BCL11B: variants seen among roughly 807,000 people sequenced by gnomAD.
BCL11B encodes BCL11 transcription factor B.
A neutral mutation model predicts 49.9 loss-of-function variants in BCL11B; 8 were observed. The observed-to-expected ratio is 0.16, with a 90% CI of 0.09 to 0.29. BCL11B has a LOEUF of 0.29. BCL11B is among the 10% of genes least tolerant of loss of function. BCL11B has a pLI of 1.00. For synonymous variants in BCL11B, 739 were observed against 637.4 expected, an observed-to-expected ratio of 1.16 and a Z score of -2.40; for missense variants, 1,006 against 1,351.0, an observed-to-expected ratio of 0.74 and a Z score of 4.00.
At chr14:99,227,590 C>T in intron 3 of BCL11B, among the ~76,000 whole-genome samples, 1 of 152,146 alleles carries the variant, frequency 6.6e-6, no homozygotes, top group East Asian at 1.9e-4. Flanking sequence ...ACCTAGCTAG[C>T]CCCATGCTCA....
At chr14:99,269,875 T>TAAAA (rs56659919) in intron 1 of BCL11B, among the ~76,000 whole-genome samples, 17 of 41,232 alleles carry the variant, frequency 4.1e-4, no homozygotes, top group African/African-American at 1.3e-3. Flanking sequence ...CTATTGCAGT[T>TAAAA]AAAAAAAAAA....
In BCL11B at chr14:99,175,100, G is replaced by C. The variant is rs1214962641; in HGVS notation, c.1736C>G (p.Ala579Gly). 1 of 1,598,378 alleles carries C rather than the reference G, an allele frequency of 6.3e-7. No individual in the cohort carries two copies. ...GGGGVPGVPG[A>G]GGGAAKALAD... Reference sequence around the variant, plus strand: ...CAGCGCCTTGGCCGCGCCGCCCCCCGCGCCCGGGACCCCGGGCACCCCACC... The same window carrying C: ...CAGCGCCTTGGCCGCGCCGCCCCCCCCGCCCGGGACCCCGGGCACCCCACC... The change falls in exon 4 of 4, where the codon GCG becomes GGG. Residue 579 changes from alanine to glycine, a missense_variant. This residue lies in a region of BCL11B where 443 missense variants were observed against 499.7 expected (regional missense o/e 0.89). Coordinates refer to ENST00000357195, the MANE Select transcript of BCL11B (RefSeq NM_138576.4).
chr14:99,237,589 G>A lies in BCL11B; in HGVS notation c.428-6032C>T, dbSNP rs985232854. Among the ~76,000 whole-genome samples the A allele has an allele frequency of 2.0e-5, 3 of 152,162 alleles. No homozygotes were observed. The East Asian group carries it at 5.8e-4, about 29-fold the overall frequency. On this transcript the variant is annotated intron_variant, in intron 2 of 3. Transcript: ENST00000357195. The stretch of plus-strand genomic sequence containing the variant: ...CCACTGTTTTGTCTGGGCACCCGAT[G>A]GCCATTACGGGTCTCTAGTCCCTTG...
intron 3 of BCL11B, among the ~76,000 whole-genome samples, chr14:99,201,031 C>G (rs949106878): frequency 6.6e-6 from 1 of 152,172 alleles, no homozygotes; most frequent in Non-Finnish European, 1.5e-5. Flanking sequence ...GCCAGGGCAC[C>G]AAGGCAGGTC....
At chr14:99,218,979 T>G (rs1887932997) in intron 3 of BCL11B, among the ~76,000 whole-genome samples, 1 of 152,056 alleles carries the variant, frequency 6.6e-6, no homozygotes, top group Non-Finnish European at 1.5e-5. Flanking sequence ...TGCCGACCCC[T>G]CCATCTTGGA....
At chr14:99,220,549 G>C (rs548033209) in intron 3 of BCL11B, among the ~76,000 whole-genome samples, 2 of 152,166 alleles carry the variant, frequency 1.3e-5, no homozygotes, top group East Asian at 3.9e-4. Flanking sequence ...CATTCAGAGA[G>C]ACAGAACGGA....
rs893060412 is a variant in BCL11B at position 99,257,914 on chromosome 14, C to G, written c.59-75G>C. 9.9e-6 allele frequency: 14 copies of G among 1,413,394 alleles called. No homozygotes were observed. The highest frequency in any genetic ancestry group is 1.3e-5 in the Non-Finnish European group (14 of 1,077,372). The allele number at this position is 1,413,394 out of a possible 1,614,324, so 87.6% of individuals were successfully genotyped here. On this transcript the variant is annotated intron_variant, in intron 1 of 3. Transcript: ENST00000357195. The surrounding 1 kb of genome is among the most constrained non-coding windows in gnomAD (Gnocchi z 6.2). ...TTAGGCGGTCACAGCACCCAACTTC[C>G]GGTCCACCCCTTCCCCGCCAAGAAG...
At chr14:99,236,329 AAG>A (rs1373561090) in intron 2 of BCL11B, among the ~76,000 whole-genome samples, 8 of 152,220 alleles carry the variant, frequency 5.3e-5, no homozygotes, top group African/African-American at 1.9e-4. Flanking sequence ...GCTAAGTATT[AAG>A]AGCGTGAGGG....
At position 99,170,721 on chromosome 14, in the gene BCL11B, A is replaced by C. The variant is rs950059557; in HGVS notation, c.*3430T>G. The C allele has an allele frequency of 1.7e-5, 4 of 233,280 alleles. No homozygotes were observed. Among genetic ancestry groups the C allele is most frequent in the African/African-American group, 8.8e-5 (4 of 45,326 alleles). The allele number at this position is 233,280 out of a possible 1,614,324, so 14.5% of individuals were successfully genotyped here. On this transcript the variant is annotated 3_prime_UTR_variant, in exon 4 of 4. Transcript: ENST00000357195. ...GTAGGTTTCAGAGAGCAAAGCAGCAAAGCAGGGAAGAAAGACAAGAGGCCA... is the reference window on the plus strand; with the variant it reads ...GTAGGTTTCAGAGAGCAAAGCAGCACAGCAGGGAAGAAAGACAAGAGGCCA...
chr14:99,202,190 A>G (rs947385453), intron 3 of BCL11B, among the ~76,000 whole-genome samples: 1 of 151,832 alleles, frequency 6.6e-6, no homozygotes, highest in Non-Finnish European at 1.5e-5. Flanking sequence ...GGATCTCACT[A>G]TATCGCCCAG....
intron 3 of BCL11B, among the ~76,000 whole-genome samples, chr14:99,208,817 C>T (rs979507706): frequency 6.6e-6 from 1 of 152,192 alleles, no homozygotes; most frequent in East Asian, 1.9e-4. Flanking sequence ...CGTGAGGCCC[C>T]TCAGGGCTGG....
intron 3 of BCL11B, among the ~76,000 whole-genome samples, chr14:99,212,408 T>G (rs1887713939): frequency 6.6e-6 from 1 of 152,152 alleles, no homozygotes; most frequent in Non-Finnish European, 1.5e-5. Context: ...CTGCCCTGGA[T>G]CTCTGGCCAC....
chr14:99,212,185 T>G (rs1009833466), intron 3 of BCL11B, among the ~76,000 whole-genome samples: 7 of 152,140 alleles, frequency 4.6e-5, no homozygotes, highest in African/African-American at 2.4e-5. Context: ...TAGAGCAACT[T>G]GCTGAATAAA....
intron 3 of BCL11B, among the ~76,000 whole-genome samples, chr14:99,183,134 G>A (rs1886756481): frequency 6.6e-6 from 1 of 152,086 alleles, no homozygotes; most frequent in Non-Finnish European, 1.5e-5. Flanking sequence ...GGAGTTCAGG[G>A]TGCTGGGAGA....
At position 99,262,072 on chromosome 14, in the gene BCL11B, G is replaced by A. The variant is rs1489383845; in HGVS notation, c.59-4233C>T. 1.3e-5 allele frequency among the ~76,000 whole-genome samples: 2 copies of A among 152,214 alleles called. No individual in the cohort carries two copies. The highest frequency in any genetic ancestry group is 3.9e-4 in the East Asian group (2 of 5,192). Reference sequence around the variant, plus strand: ...ACTTCCCCATGCCTCGGCTTTGCTGGGAAGGAATTTGAGTCAGAAGAAAGA... The same window carrying A: ...ACTTCCCCATGCCTCGGCTTTGCTGAGAAGGAATTTGAGTCAGAAGAAAGA... On this transcript the variant is annotated intron_variant, in intron 1 of 3. Transcript: ENST00000357195. The surrounding 1 kb of genome is among the most constrained non-coding windows in gnomAD (Gnocchi z 4.2).
chr14:99,207,730 C>T (rs1298821631), intron 3 of BCL11B, among the ~76,000 whole-genome samples: 2 of 152,334 alleles, frequency 1.3e-5, no homozygotes, highest in Admixed American at 6.5e-5. Flanking sequence ...CCCTCGGCTG[C>T]CTGGGGATGC....
At position 99,172,096 on chromosome 14, in the gene BCL11B, T is replaced by C. The variant is rs1886309582; in HGVS notation, c.*2055A>G. On this transcript the variant is annotated 3_prime_UTR_variant, in exon 4 of 4. Coordinates refer to ENST00000357195, the MANE Select transcript of BCL11B (RefSeq NM_138576.4). ...ACACAATTTTTTTTTTACCCTTGTATGTACCCAATACTGTAAACGTATTTT... is the reference window on the plus strand; with the variant it reads ...ACACAATTTTTTTTTTACCCTTGTACGTACCCAATACTGTAAACGTATTTT... The C allele has an allele frequency of 9.0e-6, 2 of 221,454 alleles. No individual in the cohort carries two copies. Among genetic ancestry groups the C allele is most frequent in the East Asian group, 1.3e-4 (2 of 15,112 alleles). 13.7% of individuals were successfully genotyped at this position (221,454 alleles called of 1,614,324 possible). A position where few individuals can be genotyped will look rare whatever the true frequency, so the allele number is the denominator to read the frequency against.
At chr14:99,268,020 C>T (rs546168700) in intron 1 of BCL11B, among the ~76,000 whole-genome samples, 3 of 152,260 alleles carry the variant, frequency 2.0e-5, no homozygotes, top group African/African-American at 7.2e-5. Flanking sequence ...CGTGGTCAGC[C>T]GATCCCCCTT....
intron 2 of BCL11B, among the ~76,000 whole-genome samples, chr14:99,254,518 C>G (rs1050891329): frequency 2.0e-5 from 3 of 152,144 alleles, no homozygotes; most frequent in African/African-American, 7.2e-5. Context: ...AAGGCAGGAC[C>G]CTCACAGCCA....
Sources: allele counts gnomAD v4.1 joint callset (sites outside exome capture counted in the v4.1 genomes callset), GRCh38; gene constraint gnomAD v4.1.1; regional missense constraint gnomAD v4.1.1; non-coding constraint Gnocchi (gnomAD v3.1); transcripts MANE v1.5; gene names NCBI Gene and HGNC (gene_info 2026-07-23, HGNC 2026-07-21).